The following SLC25A13 variants were observed in gnomAD, a reference collection of about 807,000 sequenced individuals.
SLC25A13 encodes the protein solute carrier family 25 member 13, also known as electrogenic aspartate/glutamate antiporter SLC25A13, mitochondrial.
A neutral mutation model predicts 85.5 loss-of-function variants in SLC25A13; 70 were observed. That is an observed-to-expected ratio of 0.82 (90% CI 0.68 to 1.00). The LOEUF (loss-of-function observed/expected upper bound fraction) is 1.00. Ranked by LOEUF, SLC25A13 falls within the 50% of genes least tolerant of loss-of-function variation. The pLI, the probability that SLC25A13 is intolerant of heterozygous loss-of-function variation, is 0.00. For missense variants in SLC25A13, 765 were observed against 819.8 expected, an observed-to-expected ratio of 0.93 and a Z score of 0.82; for synonymous variants, 259 against 288.7, an observed-to-expected ratio of 0.90 and a Z score of 1.04.
intron 3 of SLC25A13, among the ~76,000 whole-genome samples, chr7:96,258,757 C>T (rs1197796041): frequency 6.6e-6 from 1 of 152,034 alleles, no homozygotes; most frequent in Middle Eastern, 3.2e-3. Flanking sequence ...GTATAGCCAA[C>T]ACAATCCTAA....
chr7:96,176,439 G>C (rs955177136), intron 11 of SLC25A13, among the ~76,000 whole-genome samples: 7 of 152,180 alleles, frequency 4.6e-5, no homozygotes, highest in Non-Finnish European at 8.8e-5. Flanking sequence ...TTTTAGTTCA[G>C]CTCCATCAGC....
intron 3 of SLC25A13, among the ~76,000 whole-genome samples, chr7:96,251,740 T>A (rs898573242): frequency 6.6e-6 from 1 of 152,232 alleles, no homozygotes; most frequent in Admixed American, 6.5e-5. Flanking sequence ...CTTAATAAAC[T>A]GTTCTTGAAA....
At chr7:96,184,540 G>C in intron 10 of SLC25A13, 105 bp from the exon 11 acceptor site, 1 of 1,104,644 alleles carries the variant, frequency 9.1e-7, no homozygotes, top group Non-Finnish European at 1.3e-6. Flanking sequence ...AATGTGTTTT[G>C]AATTTTAAAT....
At chr7:96,293,969 G>A (rs1799235591) in intron 2 of SLC25A13, among the ~76,000 whole-genome samples, 1 of 152,036 alleles carries the variant, frequency 6.6e-6, no homozygotes, top group Non-Finnish European at 1.5e-5. Flanking sequence ...TGCTGTAAAG[G>A]CACATGCACA....
At chr7:96,272,053 T>C (rs1027136217) in intron 3 of SLC25A13, among the ~76,000 whole-genome samples, 1 of 151,912 alleles carries the variant, frequency 6.6e-6, no homozygotes, top group Non-Finnish European at 1.5e-5. Flanking sequence ...GCCTGGCTAA[T>C]TTTTTTGTAT....
chr7:96,283,024 T>C (rs910323725), intron 2 of SLC25A13, among the ~76,000 whole-genome samples: 14 of 152,316 alleles, frequency 9.2e-5, no homozygotes, highest in East Asian at 7.7e-4. Context: ...AAAATAAATA[T>C]TGAAATAACC....
chr7:96,245,801 T>C (rs965279783), intron 3 of SLC25A13, among the ~76,000 whole-genome samples: 5 of 152,004 alleles, frequency 3.3e-5, no homozygotes, highest in African/African-American at 9.7e-5. Context: ...AGAAAGACCA[T>C]TGAGGAAAAA....
At chr7:96,203,250 C>CGCA (rs1291075933) in intron 5 of SLC25A13, among the ~76,000 whole-genome samples, 1 of 152,098 alleles carries the variant, frequency 6.6e-6, no homozygotes, top group Non-Finnish European at 1.5e-5. Context: ...TCCAGAGCAT[C>CGCA]GCAATTTAGG....
intron 4 of SLC25A13, among the ~76,000 whole-genome samples, chr7:96,222,563 A>C (rs1421392603): frequency 6.6e-6 from 1 of 152,148 alleles, no homozygotes; most frequent in African/African-American, 2.4e-5. Flanking sequence ...CTCCTGCCTC[A>C]GCCTCCTGAG....
rs138985191 is a variant in SLC25A13 at position 96,187,331 on chromosome 7, C to T, written c.933+1963G>A. On this transcript the variant is annotated intron_variant, in intron 9 of 17. Transcript: ENST00000265631. ...AATTTTAGTTGCTGTCAATGTAACA[C>T]AATTCTAATACAATGAGATCATTTG... Among the ~76,000 whole-genome samples, 8 of 152,320 alleles carry T rather than the reference C, an allele frequency of 5.3e-5. No individual in the cohort carries two copies. The East Asian group carries it at 1.3e-3, about 26-fold the overall frequency.
intron 3 of SLC25A13, among the ~76,000 whole-genome samples, chr7:96,274,988 G>C (rs1238495896): frequency 2.6e-5 from 4 of 152,214 alleles, no homozygotes; most frequent in African/African-American, 4.8e-5. Flanking sequence ...ACTTGGCAAT[G>C]TGGGCTCTTT....
intron 13 of SLC25A13, among the ~76,000 whole-genome samples, chr7:96,158,371 T>C (rs6971996): frequency 0.37 from 56,321 of 152,058 alleles, 10,744 homozygotes; most frequent in East Asian, 0.59. Context: ...ACAGAAAACA[T>C]GGCAGTATAT....
chr7:96,157,291 C>A (rs79450185), intron 13 of SLC25A13, among the ~76,000 whole-genome samples: 1 of 152,076 alleles, frequency 6.6e-6, no homozygotes, highest in South Asian at 2.1e-4. Context: ...CTTCTAATAC[C>A]GCCTTCTCTG....
intron 1 of SLC25A13, among the ~76,000 whole-genome samples, chr7:96,319,267 G>A (rs891069019): frequency 1.4e-4 from 22 of 152,074 alleles, no homozygotes; most frequent in Non-Finnish European, 2.6e-4. Context: ...GAAACTGCTC[G>A]GCTGGGCGTG....
intron 3 of SLC25A13, among the ~76,000 whole-genome samples, chr7:96,244,563 T>C (rs1407347986): frequency 6.6e-6 from 1 of 152,208 alleles, no homozygotes; most frequent in Non-Finnish European, 1.5e-5. Context: ...CAGATATCCT[T>C]TCTTGTTCCA....
chr7:96,122,064 T>C (rs1791536675), intron 15 of SLC25A13, 67 bp from the exon 16 acceptor site: 1 of 1,597,040 alleles, frequency 6.3e-7, no homozygotes, highest in Non-Finnish European at 8.6e-7. Context: ...AACTGTGCTT[T>C]GAACTGCTGG....
chr7:96,316,211 CAT>C (rs1800121806), intron 1 of SLC25A13, among the ~76,000 whole-genome samples: 1 of 152,060 alleles, frequency 6.6e-6, no homozygotes, highest in African/African-American at 2.4e-5. Context: ...CAACTCTGTG[CAT>C]ATATTGAAAA....
chr7:96,320,733 C>T (rs1800309850), intron 1 of SLC25A13, among the ~76,000 whole-genome samples: 1 of 152,154 alleles, frequency 6.6e-6, no homozygotes, highest in Non-Finnish European at 1.5e-5. Context: ...AGAAATGCCA[C>T]TTAGACCACA....
At chr7:96,172,604 T>C (rs1004224208) in intron 11 of SLC25A13, among the ~76,000 whole-genome samples, 1 of 151,858 alleles carries the variant, frequency 6.6e-6, no homozygotes, top group Non-Finnish European at 1.5e-5. Context: ...AGTCAGTTCA[T>C]GGGCTCAGTT....
Sources: allele counts gnomAD v4.1 joint callset (sites outside exome capture counted in the v4.1 genomes callset), GRCh38; gene constraint gnomAD v4.1.1; transcripts MANE v1.5; gene names NCBI Gene and HGNC (gene_info 2026-07-23, HGNC 2026-07-21).